PDE1A: variants seen among roughly 807,000 people sequenced by gnomAD.
The protein encoded by PDE1A is dual specificity calcium/calmodulin-dependent 3',5'-cyclic nucleotide phosphodiesterase 1A.
Under a neutral mutation model 61.7 loss-of-function variants are expected in PDE1A, and 35 were observed. The observed-to-expected ratio is 0.57, with a 90% CI of 0.43 to 0.75. PDE1A has a LOEUF of 0.75. PDE1A is among the 30% of genes least tolerant of loss of function. The pLI is 0.00. For synonymous variants in PDE1A, 232 were observed against 213.2 expected (o/e 1.09, Z -0.77); for missense variants, 597 against 630.6 (o/e 0.95, Z 0.57).
the PDE1A span, among the ~76,000 whole-genome samples, chr2:182,596,137 G>T: frequency 2.0e-5 from 3 of 152,212 alleles, no homozygotes; most frequent in African/African-American, 7.2e-5. Flanking sequence ...GGCATAAGGA[G>T]TGTTACTTAA....
the PDE1A span, among the ~76,000 whole-genome samples, chr2:182,683,567 G>A: frequency 3.9e-5 from 6 of 152,238 alleles, no homozygotes; most frequent in African/African-American, 1.4e-4. Flanking sequence ...TGCAAGTGGA[G>A]AAAGTTTTCT....
chr2:182,219,115 A>T (rs1459415287), intron 7 of PDE1A, among the ~76,000 whole-genome samples: 1 of 152,044 alleles, frequency 6.6e-6, no homozygotes, highest in Non-Finnish European at 1.5e-5. Context: ...TTATAATGTG[A>T]TTAAATTTTA....
intron 2 of PDE1A, among the ~76,000 whole-genome samples, chr2:182,485,569 C>T (rs944732925): frequency 4.0e-5 from 6 of 151,820 alleles, no homozygotes; most frequent in Non-Finnish European, 8.8e-5. Flanking sequence ...GTAAAATATA[C>T]CACTTTTTGT....
the PDE1A span, among the ~76,000 whole-genome samples, chr2:182,588,980 T>G: frequency 6.6e-6 from 1 of 150,732 alleles, no homozygotes; most frequent in Admixed American, 6.6e-5. Flanking sequence ...GAGGCAGAGG[T>G]TGCACTGAGC....
At chr2:182,577,926 G>C in the PDE1A span, among the ~76,000 whole-genome samples, 2 of 93,198 alleles carry the variant, frequency 2.1e-5, no homozygotes, top group African/African-American at 4.8e-5. Flanking sequence ...TCGAAAGAAA[G>C]AAAACGGAAG....
At chr2:182,436,509 A>C in intron 2 of PDE1A, among the ~76,000 whole-genome samples, 1 of 151,996 alleles carries the variant, frequency 6.6e-6, no homozygotes, top group Non-Finnish European at 1.5e-5. Flanking sequence ...ACTGGAAATC[A>C]AGTCTATCTT....
chr2:182,259,257 T>C (rs192931007), intron 2 of PDE1A, among the ~76,000 whole-genome samples: 28 of 152,316 alleles, frequency 1.8e-4, no homozygotes, highest in African/African-American at 6.7e-4. Flanking sequence ...AATGTGACTC[T>C]GTATTAAGGG....
rs550463906 is a variant in PDE1A, at chr2:182,378,057, A to G, written c.53+48521T>C. Among the ~76,000 whole-genome samples the G allele has an allele frequency of 1.2e-4, 18 of 152,266 alleles. No individual in the cohort carries two copies. In the East Asian group the frequency reaches 3.5e-3, roughly 29 times the overall value. On this transcript the variant is annotated intron_variant, in intron 1 of 13. Transcript: ENST00000351439. ...GAGACGGGGTTTCACCGTGTTAGCCAGGAAGGTCTCGATCTCCTGACCTCG... is the reference window on the plus strand; with the variant it reads ...GAGACGGGGTTTCACCGTGTTAGCCGGGAAGGTCTCGATCTCCTGACCTCG...
At chr2:182,473,599 C>T (rs1687171903) in intron 2 of PDE1A, among the ~76,000 whole-genome samples, 2 of 151,606 alleles carry the variant, frequency 1.3e-5, no homozygotes, top group South Asian at 4.2e-4. Context: ...AGGTATTAAG[C>T]CTAGTATCAT....
Position 182,516,702 on chromosome 2 carries a change from G to GAGGAAGGA in PDE1A, c.101+5566_101+5573dup, listed in dbSNP as rs199731099. On this transcript the variant is annotated intron_variant, in intron 2 of 14. Transcript: ENST00000410103. The stretch of plus-strand genomic sequence containing the variant: ...GAGGGAAGGAGGGAAGGGAGGAAGG[G>GAGGAAGGA]AGGAAGGAAGGAAGGAAGGAAGGAA... Among the ~76,000 whole-genome samples, 683 of 116,830 alleles carry GAGGAAGGA rather than the reference G, an allele frequency of 5.8e-3. 18 individuals carry two copies. The highest frequency in any genetic ancestry group is 7.5e-3 in the Non-Finnish European group (437 of 57,908). 76.6% of individuals were successfully genotyped at this position (116,830 alleles called of 152,430 possible). A position where few individuals can be genotyped will look rare whatever the true frequency, so the allele number is the denominator to read the frequency against.
chr2:182,548,970 T>C, the PDE1A span, among the ~76,000 whole-genome samples: 1 of 152,216 alleles, frequency 6.6e-6, no homozygotes, highest in East Asian at 1.9e-4. Flanking sequence ...AGACGTTAAG[T>C]CCAACTAATA....
chr2:182,319,957 T>A (rs776116272), intron 1 of PDE1A, among the ~76,000 whole-genome samples: 2 of 152,174 alleles, frequency 1.3e-5, no homozygotes, highest in Non-Finnish European at 2.9e-5. Context: ...TAGAGTAGCA[T>A]AGACTATGTC....
chr2:182,566,938 A>G, the PDE1A span, among the ~76,000 whole-genome samples: 33 of 152,352 alleles, frequency 2.2e-4, no homozygotes, highest in Admixed American at 1.8e-3. Context: ...GCTTTGCAAC[A>G]TAGAGATAAT....
At chr2:182,700,589 G>A in the PDE1A span, among the ~76,000 whole-genome samples, 3 of 151,930 alleles carry the variant, frequency 2.0e-5, no homozygotes, top group Non-Finnish European at 4.4e-5. Context: ...AGGTGTGGTG[G>A]CAGGCACCTG....
chr2:182,596,760 AAGAATCAAC>A, the PDE1A span, among the ~76,000 whole-genome samples: 1 of 152,210 alleles, frequency 6.6e-6, no homozygotes, highest in South Asian at 2.1e-4. Flanking sequence ...AGAGTAAGGC[AAGAATCAAC>A]AGCTACAATG....
chr2:182,383,088 A>G (rs760442955), intron 1 of PDE1A, among the ~76,000 whole-genome samples: 13 of 152,156 alleles, frequency 8.5e-5, no homozygotes, highest in Non-Finnish European at 1.2e-4. Context: ...AATTAATCCC[A>G]TTCTCCAAGA....
rs114491750 is a variant in PDE1A at position 182,158,403 on chromosome 2, A to G, written c.1517-11251T>C. ...CTCTACATCAAATTACATCAAAACT[A>G]TTCTCTTACTCTTGTTGTACTGCCT... On this transcript the variant is annotated intron_variant, in intron 13 of 13. Transcript: ENST00000409365. 8.0e-3 allele frequency among the ~76,000 whole-genome samples: 1,214 copies of G among 152,238 alleles called. 17 individuals carry two copies. Among genetic ancestry groups the G allele is most frequent in the African/African-American group, 0.028 (1,160 of 41,532 alleles).
chr2:182,142,104 A>G (rs536267245), downstream of PDE1A: 3 of 146,214 alleles, frequency 2.1e-5, no homozygotes, highest in Non-Finnish European at 4.5e-5. Flanking sequence ...GTGGGTTTTC[A>G]TTTTCATAGA....
chr2:182,351,284 T>C (rs528906896), intron 1 of PDE1A, among the ~76,000 whole-genome samples: 5 of 152,306 alleles, frequency 3.3e-5, no homozygotes, highest in African/African-American at 9.6e-5. Flanking sequence ...ATTTTTTAAA[T>C]AGATGTAAAT....
Sources: gnomAD v4.1 joint callset for allele counts (sites outside exome capture counted in the v4.1 genomes callset) on GRCh38, gnomAD v4.1.1 for gene constraint, MANE v1.5 for transcripts, NCBI Gene and HGNC (gene_info 2026-07-23, HGNC 2026-07-21) for gene names.